LRRTM4: variants seen among roughly 807,000 people sequenced by gnomAD.
The protein encoded by LRRTM4 is leucine-rich repeat transmembrane neuronal protein 4.
A neutral mutation model predicts 47.6 loss-of-function variants in LRRTM4; 25 were observed. That is an observed-to-expected ratio of 0.53 (90% CI 0.38 to 0.73). The LOEUF is 0.73. Ranked by LOEUF, LRRTM4 falls within the 30% of genes least tolerant of loss-of-function variation. The pLI is 0.00. For missense variants in LRRTM4, 638 were observed against 713.4 expected (o/e 0.89, Z 1.20); for synonymous variants, 311 against 269.5 (o/e 1.15, Z -1.51).
chr2:77,363,130 T>A (rs1349168143), intron 3 of LRRTM4, among the ~76,000 whole-genome samples: 1 of 152,192 alleles, frequency 6.6e-6, no homozygotes, highest in Admixed American at 6.5e-5. Context: ...CGTGAATCCA[T>A]ATTCTTAACT....
intron 3 of LRRTM4, among the ~76,000 whole-genome samples, chr2:77,305,486 A>G (rs899529830): frequency 5.3e-5 from 8 of 152,136 alleles, no homozygotes; most frequent in Non-Finnish European, 1.2e-4. Flanking sequence ...CTTGCTCTTC[A>G]TTTATTAAGA....
intron 3 of LRRTM4, among the ~76,000 whole-genome samples, chr2:77,360,826 T>G (rs188543916): frequency 6.6e-6 from 1 of 152,290 alleles, no homozygotes; most frequent in East Asian, 1.9e-4. Context: ...TCTTATTCTA[T>G]TACCTGTTTT....
chr2:76,972,016 A>G lies in LRRTM4; in HGVS notation c.1552-223100T>C, dbSNP rs546918246. On this transcript the variant is annotated intron_variant, in intron 3 of 3. Transcript: ENST00000409884. ...GCAGAAGCCTTTATTGTGGGGCTAC[A>G]TCATTCTTCTTTTATGGCTTCCATT... 3.2e-4 allele frequency among the ~76,000 whole-genome samples: 49 copies of G among 152,178 alleles called. No individual in the cohort carries two copies. The South Asian group carries it at 3.5e-3, about 11-fold the overall frequency.
chr2:77,221,796 A>G (rs1674642636), intron 3 of LRRTM4, among the ~76,000 whole-genome samples: 1 of 152,148 alleles, frequency 6.6e-6, no homozygotes, highest in African/African-American at 2.4e-5. Flanking sequence ...AGACAGATCA[A>G]TGAGACAGAA....
intron 3 of LRRTM4, among the ~76,000 whole-genome samples, chr2:77,106,803 A>G (rs955381496): frequency 6.6e-6 from 1 of 152,010 alleles, no homozygotes; most frequent in Non-Finnish European, 1.5e-5. Flanking sequence ...TAATAATAAT[A>G]ATGAGGGTAA....
intron 3 of LRRTM4, among the ~76,000 whole-genome samples, chr2:77,006,186 C>G (rs1008367152): frequency 2.0e-5 from 3 of 152,060 alleles, no homozygotes; most frequent in Non-Finnish European, 2.9e-5. Context: ...ACATTCGTTT[C>G]TTAAGGGGTA....
rs1268128493 is a variant in LRRTM4 at position 77,167,496 on chromosome 2, T to C, written c.1551+350822A>G. ...TAAATCATGCTGCTATAAAGACACA[T>C]GCATACGTATGTTTATTGAGGCACT... On this transcript the variant is annotated intron_variant, in intron 3 of 3. Coordinates refer to ENST00000409884, the MANE Select transcript of LRRTM4 (RefSeq NM_001134745.3). Among the ~76,000 whole-genome samples the C allele has an allele frequency of 2.6e-5, 4 of 152,196 alleles. No homozygotes were observed. In the South Asian group the frequency reaches 8.3e-4, roughly 31 times the overall value.
intron 3 of LRRTM4, among the ~76,000 whole-genome samples, chr2:76,858,021 A>G (rs192318144): frequency 2.6e-5 from 4 of 152,268 alleles, no homozygotes; most frequent in Admixed American, 1.3e-4. Context: ...CAATTTTTAT[A>G]TAACAATTGA....
chr2:76,961,195 AT>A (rs1224757445), intron 3 of LRRTM4, among the ~76,000 whole-genome samples: 8 of 151,470 alleles, frequency 5.3e-5, no homozygotes. Context: ...GCTGTTTATC[AT>A]GTTTATCTGG....
At chr2:77,017,367 G>A (rs898035560) in intron 3 of LRRTM4, among the ~76,000 whole-genome samples, 6 of 152,108 alleles carry the variant, frequency 3.9e-5, no homozygotes, top group Non-Finnish European at 8.8e-5. Context: ...TCCTTTTATA[G>A]AACAAATGCC....
chr2:77,485,330 T>C (rs1677868248), intron 3 of LRRTM4, among the ~76,000 whole-genome samples: 2 of 152,092 alleles, frequency 1.3e-5, no homozygotes, highest in African/African-American at 4.8e-5. Flanking sequence ...CAGGGAAAAC[T>C]GAAGATAAAA....
intron 3 of LRRTM4, among the ~76,000 whole-genome samples, chr2:77,172,461 G>T (rs1420270335): frequency 6.6e-6 from 1 of 152,094 alleles, no homozygotes; most frequent in East Asian, 1.9e-4. Context: ...AGACGTGGTG[G>T]GTCATGCCTG....
intron 3 of LRRTM4, among the ~76,000 whole-genome samples, chr2:77,001,536 G>A (rs1677428256): frequency 6.6e-6 from 1 of 152,060 alleles, no homozygotes; most frequent in African/African-American, 2.4e-5. Flanking sequence ...CTTCTTTATG[G>A]ATAGAAGGCA....
At chr2:77,084,312 C>T (rs1231132032) in intron 3 of LRRTM4, among the ~76,000 whole-genome samples, 3 of 152,066 alleles carry the variant, frequency 2.0e-5, no homozygotes, top group African/African-American at 4.8e-5. Context: ...TCTTGAACCC[C>T]GAAGATGAAG....
intron 3 of LRRTM4, among the ~76,000 whole-genome samples, chr2:76,817,300 T>A (rs1330599589): frequency 6.6e-6 from 1 of 151,946 alleles, no homozygotes; most frequent in African/African-American, 2.4e-5. Flanking sequence ...TATGAAAGAT[T>A]ATAAATTTGA....
chr2:77,257,164 G>T (rs999040355), intron 3 of LRRTM4, among the ~76,000 whole-genome samples: 4 of 151,888 alleles, frequency 2.6e-5, no homozygotes, highest in Non-Finnish European at 4.4e-5. Flanking sequence ...TTTTCTAAAG[G>T]CTACAAAAAT....
intron 3 of LRRTM4, among the ~76,000 whole-genome samples, chr2:77,069,435 G>T (rs1558561418): frequency 6.6e-6 from 1 of 150,574 alleles, no homozygotes; most frequent in Non-Finnish European, 1.5e-5. Context: ...GTGTGTGTGT[G>T]TGTTTGTGTG....
chr2:77,207,372 T>TATATATATATATATACACACACACAC (rs59335400), intron 3 of LRRTM4, among the ~76,000 whole-genome samples: 2 of 131,092 alleles, frequency 1.5e-5, no homozygotes, highest in East Asian at 5.4e-4. Context: ...TATATATATA[T>TATATATATATATATACACACACACAC]ACACACACAC....
chr2:77,080,400 CTTTTA>C (rs1375556208), intron 3 of LRRTM4, among the ~76,000 whole-genome samples: 1 of 152,148 alleles, frequency 6.6e-6, no homozygotes. Flanking sequence ...ACTGAAGTCT[CTTTTA>C]TAAGTTAACA....
Sources: allele counts gnomAD v4.1 joint callset (sites outside exome capture counted in the v4.1 genomes callset), GRCh38; gene constraint gnomAD v4.1.1; transcripts MANE v1.5; gene names NCBI Gene and HGNC (gene_info 2026-07-23, HGNC 2026-07-21).